The following CSMD3 variants were observed in gnomAD, a reference collection of about 807,000 sequenced individuals.
CSMD3 encodes CUB and sushi domain-containing protein 3.
Under a neutral mutation model 435.2 loss-of-function variants are expected in CSMD3, and 177 were observed. The observed-to-expected ratio is 0.41, with a 90% CI of 0.36 to 0.46. The LOEUF is 0.46. Among genes scored for constraint, CSMD3 ranks in the 20% least tolerant of loss-of-function variants. The pLI, the probability that CSMD3 is intolerant of heterozygous loss-of-function variation, is 0.34. For missense variants in CSMD3, 4,265 were observed against 4,504.6 expected (o/e 0.95, Z 1.52); for synonymous variants, 1,656 against 1,520.5 (o/e 1.09, Z -2.07).
chr8:112,659,034 T>C (rs2075318508), intron 17 of CSMD3, among the ~76,000 whole-genome samples: 1 of 152,138 alleles, frequency 6.6e-6, no homozygotes, highest in Non-Finnish European at 1.5e-5. Context: ...AAATTGGAGT[T>C]TGACTTTGAT....
At chr8:113,044,518 C>T (rs2087751801) in intron 5 of CSMD3, among the ~76,000 whole-genome samples, 1 of 149,114 alleles carries the variant, frequency 6.7e-6, no homozygotes, top group African/African-American at 2.4e-5. Flanking sequence ...TATAATCATA[C>T]AATATTCTAT....
intron 4 of CSMD3, among the ~76,000 whole-genome samples, chr8:113,105,845 C>T (rs1397052601): frequency 6.6e-6 from 1 of 150,400 alleles, no homozygotes; most frequent in East Asian, 2.0e-4. Context: ...AATCCAGACA[C>T]TAAATATCTT....
chr8:113,131,315 G>A (rs772017790), intron 4 of CSMD3, among the ~76,000 whole-genome samples: 1 of 152,062 alleles, frequency 6.6e-6, no homozygotes, highest in Non-Finnish European at 1.5e-5. Context: ...AAGCCAAGGA[G>A]GAAAAAATGG....
chr8:113,073,621 C>A (rs1225793802), intron 5 of CSMD3, among the ~76,000 whole-genome samples: 2 of 151,772 alleles, frequency 1.3e-5, no homozygotes, highest in Non-Finnish European at 3.0e-5. Flanking sequence ...CAATGTGTCT[C>A]ATGCTTTCTC....
rs773713084 is a variant in CSMD3 at position 112,311,031 on chromosome 8, C to T, written c.7832G>A (p.Arg2611Lys). 1 of 1,614,128 alleles carries T rather than the reference C, an allele frequency of 6.2e-7. No homozygotes were observed. Among genetic ancestry groups the T allele is most frequent in the East Asian group, 2.2e-5 (1 of 44,852 alleles). Reference protein sequence around the residue: ...RLVGKSSAVCRKSSYGYHAWD... With the variant: ...RLVGKSSAVCKKSSYGYHAWD... ...TGCATGATACCCATAGGAAGACTTT[C>T]TGCACACAGCACTGCTTTTTCCAAC... Residue 2611 changes from arginine (R) to lysine (K), a missense_variant, in exon 50 of 71, where the codon AGA becomes AAA. By Grantham distance (26) the Arg-to-Lys change is conservative. Around this residue, in one of 3 missense-constraint regions of CSMD3, gnomAD observed 3,255 missense variants for 3,380.2 expected, o/e 0.96. Coordinates refer to ENST00000297405, the MANE Select transcript of CSMD3 (RefSeq NM_198123.2).
intron 1 of CSMD3, among the ~76,000 whole-genome samples, chr8:113,349,854 C>G (rs1036234177): frequency 9.9e-5 from 15 of 151,962 alleles, no homozygotes; most frequent in African/African-American, 1.4e-4. Flanking sequence ...TCACTCCCCC[C>G]GTTAAGATAT....
intron 32 of CSMD3, among the ~76,000 whole-genome samples, chr8:112,472,389 C>T (rs1818608566): frequency 6.6e-6 from 1 of 152,016 alleles, no homozygotes; most frequent in African/African-American, 2.4e-5. Context: ...TATTGTTGTT[C>T]ACCTGTGTAC....
At chr8:113,334,712 T>C (rs1026815431) in intron 1 of CSMD3, among the ~76,000 whole-genome samples, 11 of 152,126 alleles carry the variant, frequency 7.2e-5, no homozygotes, top group African/African-American at 2.7e-4. Flanking sequence ...TTCTTTGCAC[T>C]TTTGTAATTG....
At chr8:113,016,276 G>C (rs2086454717) in intron 6 of CSMD3, among the ~76,000 whole-genome samples, 1 of 151,650 alleles carries the variant, frequency 6.6e-6, no homozygotes, top group African/African-American at 2.4e-5. Context: ...AATTGATATA[G>C]AACTATGCTT....
intron 1 of CSMD3, among the ~76,000 whole-genome samples, chr8:113,394,269 A>G (rs1416605514): frequency 6.6e-6 from 1 of 151,974 alleles, no homozygotes; most frequent in Admixed American, 6.6e-5. Context: ...TAATGTTTGG[A>G]ATCTCTAATA....
intron 67 of CSMD3, 135 bp from the exon 68 acceptor site, chr8:112,234,612 A>G (rs1813403845): frequency 1.5e-6 from 1 of 662,704 alleles, no homozygotes; most frequent in Non-Finnish European, 2.7e-6. Flanking sequence ...CAAGTCAAGG[A>G]TGGCTTAACC....
At chr8:112,467,073 C>A (rs1224057032) in intron 32 of CSMD3, among the ~76,000 whole-genome samples, 1 of 152,148 alleles carries the variant, frequency 6.6e-6, no homozygotes, top group Non-Finnish European at 1.5e-5. Flanking sequence ...TAAAAAGCCT[C>A]TCCTACAGCA....
At chr8:113,219,205 T>C (rs996249609) in intron 3 of CSMD3, among the ~76,000 whole-genome samples, 3 of 151,342 alleles carry the variant, frequency 2.0e-5, no homozygotes, top group Non-Finnish European at 4.4e-5. Context: ...TTGCCACTAT[T>C]TAACATCATT....
At chr8:113,209,879 T>C (rs1214031804) in intron 3 of CSMD3, among the ~76,000 whole-genome samples, 1 of 152,120 alleles carries the variant, frequency 6.6e-6, no homozygotes, top group Non-Finnish European at 1.5e-5. Flanking sequence ...TATGTTATTT[T>C]TGTTTCTATA....
chr8:113,101,837 A>G (rs1308000781), intron 4 of CSMD3, among the ~76,000 whole-genome samples: 1 of 152,076 alleles, frequency 6.6e-6, no homozygotes, highest in Admixed American at 6.6e-5. Context: ...TGAAATAGGT[A>G]AACTTTTCTT....
chr8:112,706,408 AAAAT>A (rs1456537349), intron 13 of CSMD3, among the ~76,000 whole-genome samples: 7 of 152,118 alleles, frequency 4.6e-5, no homozygotes, highest in Non-Finnish European at 1.0e-4. Context: ...ATGGAGAAAA[AAAAT>A]AAACAATTCT....
chr8:112,700,437 G>T (rs1440997693), intron 13 of CSMD3, among the ~76,000 whole-genome samples: 3 of 152,128 alleles, frequency 2.0e-5, no homozygotes, highest in Non-Finnish European at 4.4e-5. Flanking sequence ...GGAGGCAGAG[G>T]TTGTAATGAG....
intron 6 of CSMD3, among the ~76,000 whole-genome samples, chr8:112,997,088 T>C (rs2085681733): frequency 6.6e-6 from 1 of 151,592 alleles, no homozygotes; most frequent in Admixed American, 6.6e-5. Flanking sequence ...AACCACATCA[T>C]AAGTTGTAAT....
intron 45 of CSMD3, among the ~76,000 whole-genome samples, chr8:112,333,467 T>A (rs965355062): frequency 2.0e-5 from 3 of 152,156 alleles, no homozygotes; most frequent in Admixed American, 2.0e-4. Flanking sequence ...GCGCCTGGCC[T>A]TGATCTGCTT....
Sources: gnomAD v4.1 joint callset for allele counts (sites outside exome capture counted in the v4.1 genomes callset) on GRCh38, gnomAD v4.1.1 for gene constraint, gnomAD v4.1.1 regional missense constraint, MANE v1.5 for transcripts, NCBI Gene and HGNC (gene_info 2026-07-23, HGNC 2026-07-21) for gene names.